MSL3B: variants seen among roughly 807,000 people sequenced by gnomAD.
The protein encoded by MSL3B is MSL complex subunit 3B.
At chr2:233,865,996 C>G in the MSL3B span, 30 of 376,930 alleles carry the variant, frequency 8.0e-5, no homozygotes, top group African/African-American at 5.9e-4. Context: ...AACAACAGGG[C>G]ACACCTCTGT....
At chr2:233,865,592 A>G in the MSL3B span, 2 of 152,604 alleles carry the variant, frequency 1.3e-5, no homozygotes, top group African/African-American at 4.8e-5. Context: ...TTTCACAGAG[A>G]AGGAACCGTC....
chr2:233,866,148 G>A, the MSL3B span: 4 of 611,328 alleles, frequency 6.5e-6, no homozygotes, highest in African/African-American at 1.8e-5. Flanking sequence ...ACTGCCTGGG[G>A]GTTCCTGGTG....
the MSL3B span, chr2:233,867,463 ATTTC>A: frequency 4.8e-4 from 182 of 383,150 alleles, no homozygotes; most frequent in East Asian, 1.4e-3. Context: ...TAATCTACGA[ATTTC>A]TTTCTTTCTT....
At chr2:233,864,914 C>A in the MSL3B span, among the ~76,000 whole-genome samples, 1 of 134,234 alleles carries the variant, frequency 7.4e-6, no homozygotes, top group Non-Finnish European at 1.7e-5. Flanking sequence ...AGGAAGAATC[C>A]ATCTGGACAC....
At chr2:233,867,406 C>A in the MSL3B span, 1 of 519,388 alleles carries the variant, frequency 1.9e-6, no homozygotes. Flanking sequence ...GCTTCTTTCT[C>A]TCTTGCTCCT....
At chr2:233,867,214 C>A in the MSL3B span, 1 of 769,634 alleles carries the variant, frequency 1.3e-6, no homozygotes, top group Non-Finnish European at 2.4e-6. Context: ...TTGTTTGAAG[C>A]TCCGGTTCTT....
At chr2:233,867,350 C>T in the MSL3B span, 1 of 616,322 alleles carries the variant, frequency 1.6e-6, no homozygotes, top group African/African-American at 1.8e-5. Flanking sequence ...GATGGAGAGG[C>T]CTTTTAAAAA....
the MSL3B span, chr2:233,868,130 G>T: frequency 2.8e-6 from 1 of 361,504 alleles, no homozygotes; most frequent in Non-Finnish European, 5.7e-6. Context: ...ATGATCTTCG[G>T]CTACCCATCT....
chr2:233,867,789 ATT>A, the MSL3B span, among the ~76,000 whole-genome samples: 15 of 72,808 alleles, frequency 2.1e-4, no homozygotes, highest in East Asian at 1.8e-3. Context: ...CTAATCTACG[ATT>A]TTTTTTTTTT....
chr2:233,867,789 A>ATTTT, the MSL3B span, among the ~76,000 whole-genome samples: 81 of 72,816 alleles, frequency 1.1e-3, no homozygotes, highest in African/African-American at 3.3e-3. Context: ...CTAATCTACG[A>ATTTT]TTTTTTTTTT....
chr2:233,866,828 T>G, the MSL3B span: 1 of 1,019,136 alleles, frequency 9.8e-7, no homozygotes, highest in Non-Finnish European at 1.6e-6. Flanking sequence ...AAGAAAAACC[T>G]TAGATGCAGT....
the MSL3B span, chr2:233,866,525 T>C: frequency 2.0e-5 from 24 of 1,174,198 alleles, no homozygotes; most frequent in Non-Finnish European, 2.9e-5. Flanking sequence ...AGGTGTCTTC[T>C]TTTCCAGGTG....
chr2:233,866,918 T>G, the MSL3B span: 11 of 1,482,776 alleles, frequency 7.4e-6, no homozygotes, highest in Non-Finnish European at 9.4e-6. Context: ...TCTTAATCCA[T>G]CCACCATCTC....
At chr2:233,867,744 C>T in the MSL3B span, among the ~76,000 whole-genome samples, 1 of 149,778 alleles carries the variant, frequency 6.7e-6, no homozygotes, top group Non-Finnish European at 1.5e-5. Flanking sequence ...TCCTAAAGTG[C>T]TGGGATTACA....
the MSL3B span, chr2:233,867,529 G>A: frequency 4.4e-5 from 13 of 292,328 alleles, no homozygotes; most frequent in Non-Finnish European, 8.4e-5. Context: ...AGGATGGAGT[G>A]CGGTGGCGCG....
At chr2:233,867,402 T>C in the MSL3B span, 1 of 526,532 alleles carries the variant, frequency 1.9e-6, no homozygotes, top group South Asian at 2.1e-5. Flanking sequence ...GGCTGCTTCT[T>C]TCTCTCTTGC....
the MSL3B span, chr2:233,866,898 CA>C: frequency 2.0e-6 from 3 of 1,480,864 alleles, no homozygotes; most frequent in Non-Finnish European, 9.4e-7. Context: ...AGAGTGTAAT[CA>C]AAGGTTATTC....
At chr2:233,865,632 T>C in the MSL3B span, 1 of 152,718 alleles carries the variant, frequency 6.5e-6, no homozygotes, top group African/African-American at 2.4e-5. Context: ...AAATTTTCTT[T>C]TGCCATCAAT....
chr2:233,865,125 G>A, the MSL3B span, among the ~76,000 whole-genome samples: 4 of 152,116 alleles, frequency 2.6e-5, no homozygotes, highest in African/African-American at 9.7e-5. Flanking sequence ...TTTCTCTTAT[G>A]TAGCAATTTG....
Sources: allele counts gnomAD v4.1 joint callset (sites outside exome capture counted in the v4.1 genomes callset), GRCh38; gene constraint gnomAD v4.1.1; transcripts MANE v1.5; gene names NCBI Gene and HGNC (gene_info 2026-07-23, HGNC 2026-07-21).